Variants in CORO2B observed in about 807,000 individuals in gnomAD.
The protein encoded by CORO2B is coronin 2B.
Under a neutral mutation model 58.8 loss-of-function variants are expected in CORO2B, and 26 were observed. The ratio of observed to expected loss-of-function variants is 0.44; its 90% CI spans 0.32 to 0.61. CORO2B has a LOEUF of 0.61. Among genes scored for constraint, CORO2B ranks in the 20% least tolerant of loss-of-function variants. The pLI is 0.04. For missense variants in CORO2B, 460 were observed against 645.1 expected, an observed-to-expected ratio of 0.71 and a Z score of 3.11; for synonymous variants, 242 against 253.8, an observed-to-expected ratio of 0.95 and a Z score of 0.44.
chr15:68,603,525 C>A (rs1030669194), intron 1 of CORO2B, among the ~76,000 whole-genome samples: 1 of 152,044 alleles, frequency 6.6e-6, no homozygotes, highest in African/African-American at 2.4e-5. Flanking sequence ...TGAATTGTAT[C>A]CCCCTAATTC....
chr15:68,594,542 G>A (rs1017058764), intron 1 of CORO2B, among the ~76,000 whole-genome samples: 9 of 152,150 alleles, frequency 5.9e-5, no homozygotes, highest in African/African-American at 1.9e-4. Flanking sequence ...GAGGAGCCCC[G>A]ATTTCTGAAT....
intron 1 of CORO2B, among the ~76,000 whole-genome samples, chr15:68,642,770 A>G (rs986335325): frequency 3.3e-5 from 5 of 152,280 alleles, no homozygotes; most frequent in Non-Finnish European, 5.9e-5. Flanking sequence ...GGATTCTGAG[A>G]AGGTCACTGT....
upstream of CORO2B, among the ~76,000 whole-genome samples, chr15:68,577,691 A>G (rs1389559802): frequency 6.9e-6 from 1 of 144,948 alleles, no homozygotes; most frequent in Non-Finnish European, 1.5e-5. Flanking sequence ...ACTGCACTCC[A>G]GCCTGGGCGA....
At chr15:68,576,302 G>T (rs1015461361), upstream of CORO2B, among the ~76,000 whole-genome samples, 15 of 152,098 alleles carry the variant, frequency 9.9e-5, no homozygotes, top group Non-Finnish European at 1.9e-4. Flanking sequence ...TTCTGCCTGG[G>T]GAGATGTGAC....
chr15:68,665,731 C>A (rs942481476), intron 2 of CORO2B, among the ~76,000 whole-genome samples: 1 of 151,944 alleles, frequency 6.6e-6, no homozygotes, highest in Non-Finnish European at 1.5e-5. Flanking sequence ...ATTATATTTG[C>A]TAATTGATGA....
the CORO2B span, among the ~76,000 whole-genome samples, chr15:68,522,642 G>T: frequency 1.3e-5 from 2 of 152,096 alleles, no homozygotes; most frequent in Non-Finnish European, 2.9e-5. Context: ...TAGAGACGGG[G>T]TTTCACCATG....
chr15:68,614,857 A>C (rs1900316818), intron 1 of CORO2B, among the ~76,000 whole-genome samples: 1 of 152,208 alleles, frequency 6.6e-6, no homozygotes, highest in Non-Finnish European at 1.5e-5. Flanking sequence ...CTGTTGTCCA[A>C]GATGGTCCCG....
chr15:68,608,356 C>T (rs539180884), intron 1 of CORO2B, among the ~76,000 whole-genome samples: 1 of 152,214 alleles, frequency 6.6e-6, no homozygotes, highest in Non-Finnish European at 1.5e-5. Context: ...GCCAGCAAGG[C>T]AAGTTCTCCC....
In CORO2B at chr15:68,676,663, C is replaced by T. The variant is rs74387979; in HGVS notation, c.217-18477C>T. On this transcript the variant is annotated intron_variant, in intron 2 of 11. Transcript: ENST00000261861. Reference sequence around the variant, plus strand: ...CTGCTGTCACCTCTGTGCTAGCATGCGCACACCGCAGCCACCTGAGGAGAG... The same window carrying T: ...CTGCTGTCACCTCTGTGCTAGCATGTGCACACCGCAGCCACCTGAGGAGAG... Among the ~76,000 whole-genome samples the T allele has an allele frequency of 3.0e-3, 463 of 152,342 alleles. 14 individuals carry two copies. The East Asian group carries it at 0.079, about 26-fold the overall frequency.
At chr15:68,597,749 G>A (rs571759700) in intron 1 of CORO2B, among the ~76,000 whole-genome samples, 4 of 152,182 alleles carry the variant, frequency 2.6e-5, no homozygotes, top group South Asian at 2.1e-4. Flanking sequence ...GAGGAACCTC[G>A]GGCAAAAGTC....
intron 2 of CORO2B, among the ~76,000 whole-genome samples, chr15:68,672,155 G>A (rs1176465697): frequency 1.4e-4 from 3 of 21,126 alleles, no homozygotes; most frequent in East Asian, 2.3e-3. Context: ...CTTGGTAATC[G>A]GGAGGTGTGT....
At chr15:68,563,344 G>C in the CORO2B span, among the ~76,000 whole-genome samples, 1 of 151,966 alleles carries the variant, frequency 6.6e-6, no homozygotes, top group African/African-American at 2.4e-5. Flanking sequence ...ACAAAAATTA[G>C]CTGGGCGTAT....
At chr15:68,724,567 T>C (rs1893247163) in intron 11 of CORO2B, among the ~76,000 whole-genome samples, 1 of 152,180 alleles carries the variant, frequency 6.6e-6, no homozygotes, top group Non-Finnish European at 1.5e-5. Flanking sequence ...TATTCTCCAG[T>C]CTTTTAGGGC....
At chr15:68,703,028 T>C (rs1892693217) in intron 3 of CORO2B, among the ~76,000 whole-genome samples, 1 of 151,468 alleles carries the variant, frequency 6.6e-6, no homozygotes, top group Non-Finnish European at 1.5e-5. Flanking sequence ...GGTTTCACCA[T>C]GTTGGCCAGG....
chr15:68,686,033 T>C (rs1394735663), intron 2 of CORO2B, among the ~76,000 whole-genome samples: 3 of 150,078 alleles, frequency 2.0e-5, no homozygotes, highest in Admixed American at 6.6e-5. Flanking sequence ...TTTTTTTTTT[T>C]TTTTCTTTTT....
At chr15:68,711,024 C>T (rs1892904139) in intron 4 of CORO2B, 143 bp downstream of exon 4, 7 of 998,150 alleles carry the variant, frequency 7.0e-6, no homozygotes, top group Non-Finnish European at 8.4e-6. Flanking sequence ...TTCATTCATT[C>T]GCTACACGCA....
At chr15:68,691,757 T>C (rs1994716) in intron 2 of CORO2B, among the ~76,000 whole-genome samples, 96,011 of 151,852 alleles carry the variant, frequency 0.63, 32,420 homozygotes, top group East Asian at 0.94. Flanking sequence ...TTCTTCTAAA[T>C]AGGCTCCTCT....
chr15:68,583,395 G>T (rs542250589), intron 1 of CORO2B, among the ~76,000 whole-genome samples: 1 of 152,340 alleles, frequency 6.6e-6, no homozygotes, highest in Non-Finnish European at 1.5e-5. Flanking sequence ...GGAGGGGCTG[G>T]CACCTCGGTC....
intron 1 of CORO2B, among the ~76,000 whole-genome samples, chr15:68,600,586 C>G (rs947326957): frequency 6.6e-6 from 1 of 152,178 alleles, no homozygotes; most frequent in Non-Finnish European, 1.5e-5. Flanking sequence ...GCTGGGGGGT[C>G]TTTTCTGTGG....
Sources: allele counts gnomAD v4.1 joint callset (sites outside exome capture counted in the v4.1 genomes callset), GRCh38; gene constraint gnomAD v4.1.1; transcripts MANE v1.5; gene names NCBI Gene and HGNC (gene_info 2026-07-23, HGNC 2026-07-21).